METTL6: variants seen among roughly 807,000 people sequenced by gnomAD.
The protein encoded by METTL6 is tRNA N(3)-cytidine methyltransferase METTL6.
Under a neutral mutation model 26.4 loss-of-function variants are expected in METTL6, and 22 were observed. The observed-to-expected ratio is 0.83, with a 90% CI of 0.59 to 1.19. The LOEUF (loss-of-function observed/expected upper bound fraction) is 1.19. METTL6 is among the 50% of genes most tolerant of loss of function. The probability of loss-of-function intolerance (pLI) is 0.00; values close to 1 mark genes in which losing one functional copy is unlikely to be tolerated. For missense variants in METTL6, 304 were observed against 324.8 expected (o/e 0.94, Z 0.49); for synonymous variants, 109 against 116.2 (o/e 0.94, Z 0.40).
At chr3:15,393,703 T>G in intron 6 of METTL6, among the ~76,000 whole-genome samples, 1 of 152,230 alleles carries the variant, frequency 6.6e-6, no homozygotes, top group East Asian at 1.9e-4. Flanking sequence ...GTTTTTAGCA[T>G]GAAGGGCTGC....
intron 6 of METTL6, among the ~76,000 whole-genome samples, chr3:15,401,679 C>T (rs1007948038): frequency 3.3e-5 from 5 of 152,228 alleles, no homozygotes; most frequent in African/African-American, 9.6e-5. Flanking sequence ...TGGTCATCCT[C>T]ACTGCTCAAA....
chr3:15,406,842 C>T (rs1699815436), downstream of METTL6, among the ~76,000 whole-genome samples: 1 of 151,796 alleles, frequency 6.6e-6, no homozygotes, highest in African/African-American at 2.4e-5. Flanking sequence ...GTTGGCCAAG[C>T]TAGTCTCGAA....
chr3:15,418,533 A>G (rs1436174855), intron 3 of METTL6, among the ~76,000 whole-genome samples: 1 of 152,216 alleles, frequency 6.6e-6, no homozygotes, highest in African/African-American at 2.4e-5. Flanking sequence ...AAACCCTATA[A>G]CAACAGCATC....
intron 6 of METTL6, among the ~76,000 whole-genome samples, chr3:15,392,158 ATGT>A (rs1269367618): frequency 6.6e-6 from 1 of 151,960 alleles, no homozygotes; most frequent in Non-Finnish European, 1.5e-5. Context: ...TCTCCAGCAT[ATGT>A]TGTTTCCCGA....
Position 15,414,071 on chromosome 3 carries a change from T to TC in METTL6, c.622dup (p.Glu208GlyfsTer6). 1 of 1,614,160 alleles carries TC rather than the reference T, an allele frequency of 6.2e-7. No individual in the cohort carries two copies. The highest frequency in any genetic ancestry group is 8.5e-7 in the Non-Finnish European group (1 of 1,180,026). On this transcript the variant is annotated frameshift_variant, in exon 5 of 6. Transcript: ENST00000383790. LOFTEE classifies it high-confidence loss of function. ...CCCATCTTGTCTAACATAAAAGTTT[T>TC]CTCCAAGTTTGCTGCTGGCTTTAAA...
At chr3:15,400,447 G>C (rs1699610263) in intron 6 of METTL6, among the ~76,000 whole-genome samples, 3 of 152,114 alleles carry the variant, frequency 2.0e-5, no homozygotes, top group South Asian at 2.1e-4. Flanking sequence ...TTATTCCAGA[G>C]ACAAATTATT....
chr3:15,390,442 A>G (rs1699313938), intron 6 of METTL6, among the ~76,000 whole-genome samples: 1 of 152,126 alleles, frequency 6.6e-6, no homozygotes, highest in Non-Finnish European at 1.5e-5. Context: ...AAGAATAATA[A>G]TAATAATGAA....
At chr3:15,416,510 C>T (rs775209155) in intron 3 of METTL6, among the ~76,000 whole-genome samples, 3 of 152,208 alleles carry the variant, frequency 2.0e-5, no homozygotes, top group Admixed American at 6.5e-5. Context: ...CCACTTCAGC[C>T]TTCCAAAGTG....
chr3:15,396,981 G>T (rs1037948957), intron 6 of METTL6, among the ~76,000 whole-genome samples: 1 of 152,168 alleles, frequency 6.6e-6, no homozygotes, highest in South Asian at 2.1e-4. Flanking sequence ...CTCCAGCTGC[G>T]TGCTGGAAGA....
chr3:15,387,515 A>G (rs1413556350), intron 6 of METTL6, among the ~76,000 whole-genome samples: 1 of 152,248 alleles, frequency 6.6e-6, no homozygotes, highest in Admixed American at 6.5e-5. Context: ...TGCCTCTGAC[A>G]GTAGGGGCCA....
intron 5 of METTL6, among the ~76,000 whole-genome samples, chr3:15,411,790 A>G (rs972666753): frequency 1.3e-5 from 2 of 151,744 alleles, no homozygotes; most frequent in African/African-American, 4.8e-5. Context: ...TTTGAGACAC[A>G]ATGTCACTCT....
chr3:15,426,088 G>A (rs1175348101), intron 2 of METTL6, among the ~76,000 whole-genome samples, 199 bp downstream of exon 2: 2 of 152,072 alleles, frequency 1.3e-5, no homozygotes, highest in Non-Finnish European at 2.9e-5. Flanking sequence ...CTACAGGCGA[G>A]CACCACCACA....
intron 6 of METTL6, among the ~76,000 whole-genome samples, chr3:15,391,808 T>C (rs986626663): frequency 3.3e-5 from 5 of 152,064 alleles, no homozygotes; most frequent in African/African-American, 7.2e-5. Flanking sequence ...TTCATCTATG[T>C]CCCTACAAAG....
At chr3:15,423,746 G>A (rs1463240733) in intron 3 of METTL6, among the ~76,000 whole-genome samples, 2 of 151,808 alleles carry the variant, frequency 1.3e-5, no homozygotes, top group South Asian at 2.1e-4. Context: ...AGCTGGGCAC[G>A]GTGGCACATG....
rs2124994613 is a variant in METTL6 at position 15,415,895 on chromosome 3, A to G, written c.408T>C (p.Asp136=). ...GATCCAGAAGATCATCTTTAGTCAG[A>G]TCACACTGGAATACCTTGCATCTTT... The part of the protein sequence containing the change: ...DTERCKVFQC[D]LTKDDLLDHV... Residue 136 remains aspartate, a synonymous_variant, in exon 4 of 6, where the codon GAT becomes GAC. Coordinates refer to ENST00000383790, the MANE Select transcript of METTL6 (RefSeq NM_152396.4). The G allele has an allele frequency of 6.2e-7, 1 of 1,614,106 alleles. No homozygotes were observed. The highest frequency in any genetic ancestry group is 8.5e-7 in the Non-Finnish European group (1 of 1,180,000).
At chr3:15,421,176 T>C (rs891816810) in intron 3 of METTL6, among the ~76,000 whole-genome samples, 3 of 152,236 alleles carry the variant, frequency 2.0e-5, no homozygotes, top group African/African-American at 7.2e-5. Flanking sequence ...AAAGTACTTG[T>C]GTTTATTGTG....
chr3:15,425,932 C>G (rs980105578), intron 2 of METTL6, among the ~76,000 whole-genome samples: 1 of 152,168 alleles, frequency 6.6e-6, no homozygotes, highest in African/African-American at 2.4e-5. Context: ...TGCAATACAG[C>G]ACACCTCTTC....
In METTL6 at chr3:15,416,257, T is replaced by C. The variant is rs115381137; in HGVS notation, c.361-315A>G. Among the ~76,000 whole-genome samples the C allele has an allele frequency of 9.5e-3, 1,454 of 152,286 alleles. 17 individuals carry two copies. The highest frequency in any genetic ancestry group is 0.013 in the African/African-American group (520 of 41,544). ...ATCCAAAACTGGCCTCTGCTTCTTT[T>C]TGTTTTTTAAAGAGACAGGGTCTCA... On this transcript the variant is annotated intron_variant, in intron 3 of 5. Transcript: ENST00000383790.
chr3:15,415,057 A>AACAC, intron 4 of METTL6: 1 of 910,958 alleles, frequency 1.1e-6, no homozygotes, highest in Non-Finnish European at 1.4e-6. Flanking sequence ...CAAACAAACA[A>AACAC]ACAAACAAAA....
Sources: allele counts gnomAD v4.1 joint callset (sites outside exome capture counted in the v4.1 genomes callset), GRCh38; gene constraint gnomAD v4.1.1; transcripts MANE v1.5; gene names NCBI Gene and HGNC (gene_info 2026-07-23, HGNC 2026-07-21).